Variants in PIEZO1 observed in about 807,000 individuals in gnomAD.
The protein encoded by PIEZO1 is piezo type mechanosensitive ion channel component 1 (Er blood group), also known as piezo-type mechanosensitive ion channel component 1.
PIEZO1 carries 296 observed loss-of-function variants against 297.2 expected under a neutral mutation model. The observed-to-expected ratio is 1.00, with a 90% CI of 0.91 to 1.10. The LOEUF (loss-of-function observed/expected upper bound fraction) is 1.10, where lower values mean the gene tolerates loss of function less well. PIEZO1 is among the 50% of genes least tolerant of loss of function. The pLI is 0.00. For missense variants in PIEZO1, 5,018 were observed against 3,455.5 expected, an observed-to-expected ratio of 1.45 and a Z score of -11.34; for synonymous variants, 2,427 against 1,507.5, an observed-to-expected ratio of 1.61 and a Z score of -14.13.
intron 1 of PIEZO1, among the ~76,000 whole-genome samples, chr16:88,755,377 A>G (rs1389161725): frequency 6.6e-6 from 1 of 152,242 alleles, no homozygotes; most frequent in Non-Finnish European, 1.5e-5. Flanking sequence ...ACGTGCAGGA[A>G]AGAAAAAAAA....
In PIEZO1 at chr16:88,734,944, G is replaced by A. The variant is rs571693822; in HGVS notation, c.1779C>T (p.Phe593=). The A allele has an allele frequency of 2.2e-5, 34 of 1,550,486 alleles. No homozygotes were observed. The East Asian group carries it at 6.4e-4, about 29-fold the overall frequency. The change falls in exon 14 of 51, where the codon TTC becomes TTT. Residue 593 remains phenylalanine (F), a synonymous_variant. Coordinates refer to ENST00000301015, the MANE Select transcript of PIEZO1 (RefSeq NM_001142864.4). ...VCAGMFIVVS[F]AGRLVVYKIV... Reference sequence around the variant, plus strand: ...TCTTGTAGACCACGAGGCGGCCGGCGAAGCTGACCACGATGAACATGCCAG... The same window carrying A: ...TCTTGTAGACCACGAGGCGGCCGGCAAAGCTGACCACGATGAACATGCCAG...
At position 88,762,091 on chromosome 16, in the gene PIEZO1, G is replaced by A. The variant is rs372963939; in HGVS notation, c.65-12612C>T. 5.4e-4 allele frequency among the ~76,000 whole-genome samples: 83 copies of A among 152,328 alleles called. No homozygotes were observed. The East Asian group carries it at 0.01, about 19-fold the overall frequency. ...ACAGTGGGTAGAGGGTGTGGCCCCAGGAAGGACGCAGGTCCCGGAATGTCT... is the reference window on the plus strand; with the variant it reads ...ACAGTGGGTAGAGGGTGTGGCCCCAAGAAGGACGCAGGTCCCGGAATGTCT... On this transcript the variant is annotated intron_variant, in intron 1 of 50. Coordinates refer to ENST00000301015, the MANE Select transcript of PIEZO1 (RefSeq NM_001142864.4).
rs935224026 is a variant in PIEZO1, at chr16:88,775,585, C to T, written c.64+9316G>A. ...CTCCACTAACAATACAAAAATTAGC[C>T]GGGTGTGGTGGTGGGCACCTGTAGT... On this transcript the variant is annotated intron_variant, in intron 1 of 50. Transcript: ENST00000301015. Among the ~76,000 whole-genome samples, 5 of 152,006 alleles carry T rather than the reference C, an allele frequency of 3.3e-5. No individual in the cohort carries two copies. In the Middle Eastern group the frequency reaches 0.01, roughly 310 times the overall value.
Position 88,733,696 on chromosome 16 carries a change from G to C in PIEZO1, c.2379C>G (p.Ala793=), listed in dbSNP as rs1282530315. ...CGCGTGAGAGGACGTCCGAGAAGCC[G>C]GCTGCCAGCTCCAGCAGCCGCTCAG... ...LVAERLLELA[A]GFSDVLSRVQ... is the part of the protein sequence containing the mutation. The change falls in exon 18 of 51, where the codon GCC becomes GCG. Residue 793 remains alanine (A), a synonymous_variant. Transcript: ENST00000301015. 6.5e-7 allele frequency: 1 copy of C among 1,548,998 alleles called. No homozygotes were observed. The highest frequency in any genetic ancestry group is 1.4e-5 in the African/African-American group (1 of 73,128).
At chr16:88,737,378 G>A (rs1037788876) in intron 10 of PIEZO1, 181 bp downstream of exon 10, 36 of 567,156 alleles carry the variant, frequency 6.3e-5, no homozygotes, top group Non-Finnish European at 9.0e-5. Context: ...ATGGCCACTC[G>A]GCTGCCCTGG....
At chr16:88,767,388 G>A (rs1042210889) in intron 1 of PIEZO1, among the ~76,000 whole-genome samples, 2 of 152,024 alleles carry the variant, frequency 1.3e-5, no homozygotes, top group African/African-American at 2.4e-5. Flanking sequence ...ACAGCCCAGA[G>A]CCCCCCAGCC....
intron 22 of PIEZO1, among the ~76,000 whole-genome samples, chr16:88,730,198 C>T (rs966218652): frequency 2.5e-4 from 38 of 152,246 alleles, no homozygotes; most frequent in African/African-American, 8.7e-4. Context: ...GGCTCTAAAC[C>T]TCACGCTCCT....
intron 1 of PIEZO1, among the ~76,000 whole-genome samples, chr16:88,775,986 G>A (rs1013116388): frequency 2.0e-5 from 3 of 152,134 alleles, no homozygotes; most frequent in African/African-American, 7.2e-5. Context: ...ACCAGAGCCG[G>A]AGCCTGGCTC....
At position 88,727,632 on chromosome 16, in the gene PIEZO1, G is replaced by C. The variant is rs1222203872; in HGVS notation, c.3226C>G (p.Pro1076Ala). The C allele has an allele frequency of 3.2e-5, 48 of 1,508,540 alleles. No individual in the cohort carries two copies. The highest frequency in any genetic ancestry group is 4.3e-5 in the Non-Finnish European group (48 of 1,120,712). The allele number at this position is 1,508,540 out of a possible 1,614,324, so 93.4% of individuals were successfully genotyped here. ...DYPWRWSRAV[P>A]MNSALIKWLY... ...CACTTGATGAGTGCGGAGTTCATGG[G>C]GACGGCCCGGCTCCAGCGCCAGGGA... Residue 1076 changes from proline (P) to alanine (A), a missense_variant, in exon 23 of 51, where the codon CCC becomes GCC. Pro to Ala is a conservative substitution (Grantham distance 27). Coordinates refer to ENST00000301015, the MANE Select transcript of PIEZO1 (RefSeq NM_001142864.4).
At chr16:88,775,121 C>A (rs1409756768) in intron 1 of PIEZO1, among the ~76,000 whole-genome samples, 2 of 152,162 alleles carry the variant, frequency 1.3e-5, no homozygotes, top group Admixed American at 6.5e-5. Flanking sequence ...GTGAGGGGAC[C>A]AGGGACTCCG....
chr16:88,721,583 G>T lies in PIEZO1; in HGVS notation c.5358C>A (p.Asp1786Glu). ...LEKTDGYIKY[D>E]LVQLMALFFH... ...AGAAAAGGGCCATGAGCTGCACCAG[G>T]TCGTACTTGATGTAGCCGTCAGTCT... The change falls in exon 38 of 51, where the codon GAC becomes GAA. Residue 1786 changes from aspartate (D) to glutamate (E), a missense_variant. Physicochemically the swap from Asp to Glu is conservative, Grantham distance 45. Transcript: ENST00000301015. The T allele has an allele frequency of 6.5e-7, 1 of 1,550,276 alleles. No homozygotes were observed. Among genetic ancestry groups the T allele is most frequent in the Non-Finnish European group, 8.7e-7 (1 of 1,146,922 alleles).
intron 1 of PIEZO1, among the ~76,000 whole-genome samples, chr16:88,763,977 T>A (rs2142889019): frequency 1.3e-5 from 2 of 152,082 alleles, no homozygotes; most frequent in South Asian, 4.2e-4. Flanking sequence ...TGGAAGCCCG[T>A]GGTTCAGAGG....
rs745674960 is a variant in PIEZO1, at chr16:88,719,863, G to A, written c.6262C>T (p.Arg2088Cys). The A allele has an allele frequency of 1.1e-5, 17 of 1,550,438 alleles. No homozygotes were observed. The highest frequency in any genetic ancestry group is 1.5e-5 in the Non-Finnish European group (17 of 1,146,958). Residue 2088 changes from arginine to cysteine, a missense_variant, in exon 43 of 51, where the codon CGC becomes TGC. By Grantham distance (180) the Arg-to-Cys change is radical. Transcript: ENST00000301015. Reference sequence around the variant, plus strand: ...TTGGTGAGGAAGTTGCCGAGGATGCGGGTGGGGTAGCCGCAGCGGATCTGG... The same window carrying A: ...TTGGTGAGGAAGTTGCCGAGGATGCAGGTGGGGTAGCCGCAGCGGATCTGG... ...AYQIRCGYPT[R>C]ILGNFLTKKY...
chr16:88,766,444 G>A (rs936272891), intron 1 of PIEZO1, among the ~76,000 whole-genome samples: 3 of 152,220 alleles, frequency 2.0e-5, no homozygotes, highest in African/African-American at 7.2e-5. Context: ...CACAGGTAGA[G>A]AGACATATCA....
chr16:88,731,467 T>C, intron 22 of PIEZO1: 2 of 556,376 alleles, frequency 3.6e-6, no homozygotes, highest in Non-Finnish European at 6.4e-6. Context: ...TATTTCAAGA[T>C]AGAATACTGG....
At position 88,726,773 on chromosome 16, in the gene PIEZO1, A is replaced by G. The variant is rs1311467947; in HGVS notation, c.3641T>C (p.Leu1214Pro). 1.9e-6 allele frequency: 3 copies of G among 1,550,224 alleles called. No homozygotes were observed. Among genetic ancestry groups the G allele is most frequent in the East Asian group, 4.9e-5 (2 of 40,906 alleles). The stretch of plus-strand genomic sequence containing the variant: ...GTTGTACAGAATGAGGCAGTCCCAC[A>G]GCACGAGGCGGGCCCGTGTGTCCCT... ...LQRDTRARLV[L>P]WDCLILYNVT... The change falls in exon 25 of 51, where the codon CTG becomes CCG. Residue 1214 changes from leucine (L) to proline (P), a missense_variant. Physicochemically the swap from Leu to Pro is moderately conservative, Grantham distance 98 (BLOSUM62 -3). Transcript: ENST00000301015.
chr16:88,738,692 C>G lies in PIEZO1; in HGVS notation c.510G>C (p.Leu170=). ...TAGGGGCCAGCGTTGCTGCTTCCTGCAGCCCTGCCGTCGGGCTGGCATCCA... is the reference window on the plus strand; with the variant it reads ...TAGGGGCCAGCGTTGCTGCTTCCTGGAGCCCTGCCGTCGGGCTGGCATCCA... ...RDVDASPTAG[L]QEAATLAPTR... Residue 170 remains leucine, a synonymous_variant, in exon 6 of 51, where the codon CTG becomes CTC. Transcript: ENST00000301015. 1 of 1,534,234 alleles carries G rather than the reference C, an allele frequency of 6.5e-7. No individual in the cohort carries two copies. Among genetic ancestry groups the G allele is most frequent in the Non-Finnish European group, 8.7e-7 (1 of 1,145,570 alleles).
intron 44 of PIEZO1, chr16:88,718,365 C>G (rs1049836317): frequency 2.0e-5 from 3 of 152,800 alleles, no homozygotes; most frequent in Non-Finnish European, 2.9e-5. Flanking sequence ...ACTTCCGGCC[C>G]TGGCGTGCAG....
chr16:88,728,093 C>A (rs1014191805), intron 22 of PIEZO1, among the ~76,000 whole-genome samples: 3 of 152,266 alleles, frequency 2.0e-5, no homozygotes, highest in Admixed American at 6.5e-5. Flanking sequence ...GGGATCCATG[C>A]GACAGCCTAG....
Sources: allele counts gnomAD v4.1 joint callset (sites outside exome capture counted in the v4.1 genomes callset), GRCh38; gene constraint gnomAD v4.1.1; transcripts MANE v1.5; gene names NCBI Gene and HGNC (gene_info 2026-07-23, HGNC 2026-07-21).